Variants in TSC22D2 observed in about 807,000 individuals in gnomAD.
TSC22D2 encodes the protein TSC22 domain family member 2, also known as TSC22 domain family protein 2.
A neutral mutation model predicts 50.1 loss-of-function variants in TSC22D2; 5 were observed. That is an observed-to-expected ratio of 0.10 (90% confidence interval 0.05 to 0.21). The LOEUF is 0.21. Ranked by LOEUF, TSC22D2 falls within the 10% of genes least tolerant of loss-of-function variation. TSC22D2 has a pLI of 1.00. For missense variants in TSC22D2, 1,003 were observed against 1,015.5 expected (o/e 0.99, Z 0.17); for synonymous variants, 501 against 450.1 (o/e 1.11, Z -1.43).
rs1174012650 is a variant in TSC22D2, at chr3:150,409,414, G to A, written c.64G>A (p.Val22Met). The A allele has an allele frequency of 3.7e-6, 6 of 1,612,854 alleles. No homozygotes were observed. Among genetic ancestry groups the A allele is most frequent in the South Asian group, 2.2e-5 (2 of 91,058 alleles). Residue 22 changes from valine to methionine, a missense_variant, in exon 1 of 3, where the codon GTG becomes ATG. Around this residue, in one of 6 missense-constraint regions of TSC22D2, gnomAD observed 17 missense variants for 34.4 expected, o/e 0.49. Coordinates refer to ENST00000688009, the MANE Select transcript of TSC22D2 (RefSeq NM_001303264.2). The surrounding 1 kb of genome is among the most constrained non-coding windows in gnomAD (Gnocchi z 7.4). ...GATCACCAGTGTCACCACGGCCCAGGTGGCCACTAGCATCACCGAGGACAC... is the reference window on the plus strand; with the variant it reads ...GATCACCAGTGTCACCACGGCCCAGATGGCCACTAGCATCACCGAGGACAC... ...FQITSVTTAQ[V>M]ATSITEDTES...
chr3:150,439,442 A>G (rs10513370), intron 1 of TSC22D2, among the ~76,000 whole-genome samples: 30,473 of 152,116 alleles, frequency 0.2, 3,506 homozygotes, highest in African/African-American at 0.29. Context: ...CTGGAAGGAA[A>G]TACAACAAAC....
Position 150,464,653 on chromosome 3 carries a change from TA to T in TSC22D2, c.*6019del, listed in dbSNP as rs1229417065. ...ATGAAAGGTTTTTATAAATCAACAG[TA>T]ATATTGCCATCCCATGTAAAAATCC... is the stretch of plus-strand genomic sequence containing the variant. On this transcript the variant is annotated 3_prime_UTR_variant, in exon 3 of 3. Transcript: ENST00000688009. 4 of 152,182 alleles carry T rather than the reference TA, an allele frequency of 2.6e-5. No homozygotes were observed. Among genetic ancestry groups the T allele is most frequent in the Non-Finnish European group, 4.4e-5 (3 of 68,032 alleles). The allele number at this position is 152,182 out of a possible 1,614,324, so 9.4% of individuals were successfully genotyped here. A position where few individuals can be genotyped will look rare whatever the true frequency, so the allele number is the denominator to read the frequency against.
intron 1 of TSC22D2, among the ~76,000 whole-genome samples, chr3:150,411,803 A>G (rs1719582960): frequency 6.6e-6 from 1 of 152,184 alleles, no homozygotes; most frequent in South Asian, 2.1e-4. Flanking sequence ...AAGGCTGGAG[A>G]CATAATGGTG....
chr3:150,441,443 TTTCCC>T (rs1244358087), intron 1 of TSC22D2, among the ~76,000 whole-genome samples: 1 of 152,174 alleles, frequency 6.6e-6, no homozygotes. Context: ...TTTGGCAGGC[TTTCCC>T]TTCTGTCTGC....
intron 1 of TSC22D2, among the ~76,000 whole-genome samples, chr3:150,413,888 A>T (rs565571263): frequency 0.17 from 5,932 of 33,966 alleles, 344 homozygotes; most frequent in African/African-American, 0.39. Context: ...TGCTTTTTTT[A>T]AAAAAAAATT....
chr3:150,443,290 T>G (rs1490062289), intron 1 of TSC22D2, among the ~76,000 whole-genome samples: 2 of 152,204 alleles, frequency 1.3e-5, no homozygotes, highest in East Asian at 3.8e-4. Flanking sequence ...GAAGCATATA[T>G]AAGCAGCACT....
At chr3:150,427,228 A>C (rs1262233896) in intron 1 of TSC22D2, among the ~76,000 whole-genome samples, 3 of 152,146 alleles carry the variant, frequency 2.0e-5, no homozygotes, top group Non-Finnish European at 4.4e-5. Flanking sequence ...TGTATCGGAA[A>C]AGTGCACCAT....
rs996017019 is a variant in TSC22D2 at position 150,439,505 on chromosome 3, A to G, written c.1959-17571A>G. Reference sequence around the variant, plus strand: ...CTTTTCTATTTTCTTTATTTTCTATAATCTACATAACTTTGATAATCAGGA... The same window carrying G: ...CTTTTCTATTTTCTTTATTTTCTATGATCTACATAACTTTGATAATCAGGA... On this transcript the variant is annotated intron_variant, in intron 1 of 2. Transcript: ENST00000688009. Among the ~76,000 whole-genome samples, 4 of 152,182 alleles carry G rather than the reference A, an allele frequency of 2.6e-5. No homozygotes were observed. The East Asian group carries it at 7.7e-4, about 29-fold the overall frequency.
intron 1 of TSC22D2, chr3:150,438,230 ATG>A (rs1720612735): frequency 2.3e-6 from 1 of 429,528 alleles, no homozygotes; most frequent in Non-Finnish European, 4.8e-6. Context: ...CGGAGGAGGA[ATG>A]TGACATAATA....
Position 150,409,589 on chromosome 3 carries a change from C to A in TSC22D2, c.239C>A (p.Thr80Asn), listed in dbSNP as rs754163179. ...ETLNNVGDAETPGTVSPNLLL... is the reference protein window; with the variant it reads ...ETLNNVGDAENPGTVSPNLLL... The stretch of plus-strand genomic sequence containing the variant: ...CTTAACAATGTTGGGGATGCGGAGA[C>A]TCCCGGGACCGTCTCCCCAAACCTC... Residue 80 changes from threonine (T) to asparagine (N), a missense_variant, in exon 1 of 3, where the codon ACT becomes AAT. Thr to Asn is a moderately conservative substitution (Grantham distance 65). Coordinates refer to ENST00000688009, the MANE Select transcript of TSC22D2 (RefSeq NM_001303264.2). This position sits in a 1 kb window ranked among gnomAD's most constrained non-coding sequence, Gnocchi z 7.4. 11 of 1,601,366 alleles carry A rather than the reference C, an allele frequency of 6.9e-6. No individual in the cohort carries two copies. The East Asian group carries it at 2.2e-4, about 33-fold the overall frequency.
chr3:150,415,335 A>G (rs1027695948), intron 1 of TSC22D2, among the ~76,000 whole-genome samples: 1 of 152,228 alleles, frequency 6.6e-6, no homozygotes, highest in African/African-American at 2.4e-5. Flanking sequence ...ATGATGGCTT[A>G]TATGTGTGTG....
intron 1 of TSC22D2, among the ~76,000 whole-genome samples, chr3:150,413,973 T>G (rs1477212569): frequency 6.6e-6 from 1 of 152,158 alleles, no homozygotes; most frequent in Admixed American, 6.5e-5. Flanking sequence ...TTGAGGTGGT[T>G]TAGGTTGATA....
chr3:150,455,818 G>C (rs779391463), intron 1 of TSC22D2, among the ~76,000 whole-genome samples: 1 of 151,956 alleles, frequency 6.6e-6, no homozygotes, highest in African/African-American at 2.4e-5. Context: ...TTATCTTTTC[G>C]TATTGATACA....
intron 1 of TSC22D2, among the ~76,000 whole-genome samples, chr3:150,429,583 A>G (rs1010741342): frequency 3.3e-5 from 5 of 152,182 alleles, no homozygotes; most frequent in African/African-American, 1.2e-4. Context: ...ATTCTTGTTG[A>G]TCTGGAAATA....
chr3:150,456,467 C>T (rs571960230), intron 1 of TSC22D2, among the ~76,000 whole-genome samples: 3 of 152,192 alleles, frequency 2.0e-5, no homozygotes, highest in South Asian at 2.1e-4. Flanking sequence ...GGATTACAAG[C>T]GTGAGCCACC....
At chr3:150,433,454 G>A (rs558221943) in intron 1 of TSC22D2, among the ~76,000 whole-genome samples, 1 of 152,172 alleles carries the variant, frequency 6.6e-6, no homozygotes. Flanking sequence ...TGTAACCTTT[G>A]TCGTAGAAGA....
chr3:150,455,393 C>A lies in TSC22D2; in HGVS notation c.1959-1683C>A, dbSNP rs559960675. Among the ~76,000 whole-genome samples the A allele has an allele frequency of 3.9e-5, 6 of 152,272 alleles. No homozygotes were observed. The South Asian group carries it at 1.2e-3, about 32-fold the overall frequency. On this transcript the variant is annotated intron_variant, in intron 1 of 2. Coordinates refer to ENST00000688009, the MANE Select transcript of TSC22D2 (RefSeq NM_001303264.2). ...AAGTATTTGTTAATGATCCATAAAT[C>A]CTTTCTAGATATTAGATATACAAAA...
At position 150,409,216 on chromosome 3, in the gene TSC22D2, C is replaced by T; in HGVS notation, c.-135C>T. 9.7e-7 allele frequency: 1 copy of T among 1,029,256 alleles called. No individual in the cohort carries two copies. The highest frequency in any genetic ancestry group is 1.4e-6 in the Non-Finnish European group (1 of 730,730). The allele number at this position is 1,029,256 out of a possible 1,614,324, so 63.8% of individuals were successfully genotyped here. On this transcript the variant is annotated 5_prime_UTR_variant, in exon 1 of 3. Transcript: ENST00000688009. The surrounding 1 kb of genome is among the most constrained non-coding windows in gnomAD (Gnocchi z 7.4). ...GGCCAGCGCCTGGATCAGCCCGTGACTCTTAACAGCGGCGGGCCTCAGACC... is the reference window on the plus strand; with the variant it reads ...GGCCAGCGCCTGGATCAGCCCGTGATTCTTAACAGCGGCGGGCCTCAGACC...
intron 1 of TSC22D2, among the ~76,000 whole-genome samples, chr3:150,456,035 CT>C (rs1721176245): frequency 6.6e-6 from 1 of 152,110 alleles, no homozygotes; most frequent in Non-Finnish European, 1.5e-5. Flanking sequence ...GATATTTGAA[CT>C]TGGAATGTGC....
Sources: gnomAD v4.1 joint callset for allele counts (sites outside exome capture counted in the v4.1 genomes callset) on GRCh38, gnomAD v4.1.1 for gene constraint, gnomAD v4.1.1 regional missense constraint, Gnocchi (gnomAD v3.1) non-coding constraint, MANE v1.5 for transcripts, NCBI Gene and HGNC (gene_info 2026-07-23, HGNC 2026-07-21) for gene names.